CDC42BPA: variants seen among roughly 807,000 people sequenced by gnomAD.
CDC42BPA encodes CDC42 binding protein kinase alpha, also known as serine/threonine-protein kinase MRCK alpha.
A neutral mutation model predicts 223.5 loss-of-function variants in CDC42BPA; 80 were observed. The ratio of observed to expected loss-of-function variants is 0.36; its 90% CI spans 0.30 to 0.43. The LOEUF (loss-of-function observed/expected upper bound fraction) is 0.43, where lower values mean the gene tolerates loss of function less well. Ranked by LOEUF, CDC42BPA falls within the 20% of genes least tolerant of loss-of-function variation. The probability of loss-of-function intolerance (pLI) is 1.00; values close to 1 mark genes in which losing one functional copy is unlikely to be tolerated. For synonymous variants in CDC42BPA, 694 were observed against 718.6 expected, an observed-to-expected ratio of 0.97 and a Z score of 0.55; for missense variants, 1,743 against 2,099.9, an observed-to-expected ratio of 0.83 and a Z score of 3.32.
In CDC42BPA at chr1:227,317,533, TCTC is replaced by T. The variant is rs972995527; in HGVS notation, c.-354_-352del. 7 of 397,852 alleles carry T rather than the reference TCTC, an allele frequency of 1.8e-5. No homozygotes were observed. Among genetic ancestry groups the T allele is most frequent in the East Asian group, 3.6e-5 (1 of 28,058 alleles). 24.6% of individuals were successfully genotyped at this position (397,852 alleles called of 1,614,324 possible). On this transcript the variant is annotated 5_prime_UTR_variant, in exon 1 of 37. Coordinates refer to ENST00000366766, the MANE Select transcript of CDC42BPA (RefSeq NM_001394014.1). ...CTTTAAAAAAAAAAAAAAAAACTCTTCTCCTTCATTCAAAATTCAACTCGTGCA... is the reference window on the plus strand; with the variant it reads ...CTTTAAAAAAAAAAAAAAAAACTCTTCTTCATTCAAAATTCAACTCGTGCA...
chr1:227,265,190 C>T, intron 1 of CDC42BPA: 1 of 643,896 alleles, frequency 1.6e-6, no homozygotes, highest in Non-Finnish European at 2.9e-6. Flanking sequence ...GCACAAACAC[C>T]AAAGCGTGCT....
intron 2 of CDC42BPA, among the ~76,000 whole-genome samples, chr1:227,215,264 A>G (rs1674624613): frequency 6.6e-6 from 1 of 152,196 alleles, no homozygotes; most frequent in Non-Finnish European, 1.5e-5. Context: ...GCTAGCATTT[A>G]TTGTGGCTGT....
chr1:227,265,049 G>A (rs1359626257), intron 1 of CDC42BPA: 9 of 783,384 alleles, frequency 1.1e-5, no homozygotes, highest in Admixed American at 3.4e-5. Flanking sequence ...CTTCATGGAC[G>A]CAGCAGGAAA....
At chr1:226,995,062 G>A (rs1319710539) in intron 35 of CDC42BPA, 82 bp from the exon 36 acceptor site, 2 of 1,316,836 alleles carry the variant, frequency 1.5e-6, no homozygotes, top group Non-Finnish European at 2.1e-6. Flanking sequence ...TGAGCTGACA[G>A]GCCATCCTTT....
intron 3 of CDC42BPA, among the ~76,000 whole-genome samples, chr1:227,206,942 T>G (rs1672842520): frequency 6.6e-6 from 1 of 152,064 alleles, no homozygotes; most frequent in Admixed American, 6.6e-5. Context: ...TATTTTATTA[T>G]TATTATACTT....
At chr1:227,309,519 TGAAACCA>T (rs1693154276) in intron 1 of CDC42BPA, among the ~76,000 whole-genome samples, 1 of 152,222 alleles carries the variant, frequency 6.6e-6, no homozygotes, top group Non-Finnish European at 1.5e-5. Flanking sequence ...TCCAAAAGTC[TGAAACCA>T]ATGGCCTAGC....
chr1:227,275,641 C>T (rs1369034826), intron 1 of CDC42BPA, among the ~76,000 whole-genome samples: 1 of 151,294 alleles, frequency 6.6e-6, no homozygotes, highest in East Asian at 1.9e-4. Context: ...CATGGTCTCC[C>T]TCTGATGCCA....
At chr1:227,309,489 T>C (rs920267996) in intron 1 of CDC42BPA, among the ~76,000 whole-genome samples, 11 of 152,190 alleles carry the variant, frequency 7.2e-5, no homozygotes, top group African/African-American at 1.9e-4. Flanking sequence ...TAATAAATAG[T>C]AGTAAAGTTC....
chr1:227,307,251 G>GCTTA (rs1692717784), intron 1 of CDC42BPA, among the ~76,000 whole-genome samples: 1 of 152,092 alleles, frequency 6.6e-6, no homozygotes, highest in Non-Finnish European at 1.5e-5. Context: ...ACTTAATATT[G>GCTTA]CTTAGATGAC....
chr1:227,292,740 C>A (rs1412869680), intron 1 of CDC42BPA, among the ~76,000 whole-genome samples: 1 of 152,144 alleles, frequency 6.6e-6, no homozygotes. Flanking sequence ...GTCTTACTCA[C>A]CTACCTTCCA....
chr1:227,240,730 G>A (rs2148107125), intron 2 of CDC42BPA, among the ~76,000 whole-genome samples: 1 of 151,250 alleles, frequency 6.6e-6, no homozygotes, highest in Non-Finnish European at 1.5e-5. Flanking sequence ...TATCACATCA[G>A]ACATGAATTT....
In CDC42BPA at chr1:226,994,884, G is replaced by C; in HGVS notation, c.5072C>G (p.Ser1691Cys). ...RQPMPSPSEG[S>C]LSSGGMDQGS... ...TTGGTCCATGCCTCCAGAGGACAAAGAGCCCTCTGACGGGGAGGGCATGGG... is the reference window on the plus strand; with the variant it reads ...TTGGTCCATGCCTCCAGAGGACAAACAGCCCTCTGACGGGGAGGGCATGGG... The change falls in exon 36 of 37, where the codon TCT becomes TGT. Residue 1691 changes from serine (S) to cysteine (C), a missense_variant. By Grantham distance (112) the Ser-to-Cys change is moderately radical. Around this residue, in one of 6 missense-constraint regions of CDC42BPA, gnomAD observed 200 missense variants for 192.8 expected, o/e 1.04. Transcript: ENST00000366766. The surrounding 1 kb of genome is among the most constrained non-coding windows in gnomAD (Gnocchi z 4.0). 2.5e-6 allele frequency: 4 copies of C among 1,613,978 alleles called. No homozygotes were observed. The highest frequency in any genetic ancestry group is 1.1e-5 in the South Asian group (1 of 91,070).
rs946359642 is a variant in CDC42BPA, at chr1:226,994,099, G to A, written c.*169C>T. On this transcript the variant is annotated 3_prime_UTR_variant, in exon 37 of 37. Transcript: ENST00000366766. This position sits in a 1 kb window ranked among gnomAD's most constrained non-coding sequence, Gnocchi z 4.0. ...TCTTTGTTGTTGCTGTTAGGCTGGG[G>A]GCGTGGATCTGAGAGTCGTGTCGTC... 4.5e-5 allele frequency: 26 copies of A among 573,358 alleles called. No individual in the cohort carries two copies. Among genetic ancestry groups the A allele is most frequent in the Non-Finnish European group, 7.1e-5 (23 of 324,872 alleles). 35.5% of individuals were successfully genotyped at this position (573,358 alleles called of 1,614,324 possible). A position where few individuals can be genotyped will look rare whatever the true frequency, so the allele number is the denominator to read the frequency against.
intron 5 of CDC42BPA, among the ~76,000 whole-genome samples, chr1:227,161,746 G>T (rs1487351701): frequency 6.6e-6 from 1 of 152,148 alleles, no homozygotes; most frequent in Non-Finnish European, 1.5e-5. Flanking sequence ...ACACTACAAA[G>T]GCAAAGTGAG....
At chr1:227,050,838 C>T (rs910869128) in intron 22 of CDC42BPA, among the ~76,000 whole-genome samples, 36 of 151,996 alleles carry the variant, frequency 2.4e-4, no homozygotes, top group African/African-American at 7.7e-4. Context: ...GAGTGGGGAA[C>T]GGTATACACG....
intron 1 of CDC42BPA, among the ~76,000 whole-genome samples, chr1:227,265,487 G>C (rs555220806): frequency 6.6e-6 from 1 of 152,060 alleles, no homozygotes; most frequent in East Asian, 1.9e-4. Context: ...CAAGGCGGGC[G>C]GAATTGTGGC....
At chr1:227,185,608 T>C (rs901572327) in intron 5 of CDC42BPA, among the ~76,000 whole-genome samples, 1 of 152,188 alleles carries the variant, frequency 6.6e-6, no homozygotes, top group African/African-American at 2.4e-5. Context: ...TGGTTGATAC[T>C]ACCTGAAAGT....
intron 31 of CDC42BPA, among the ~76,000 whole-genome samples, chr1:227,025,468 A>G (rs766027460): frequency 1.3e-5 from 2 of 152,202 alleles, no homozygotes; most frequent in South Asian, 2.1e-4. Flanking sequence ...TGCTATATAT[A>G]TATCACATCT....
At chr1:227,231,406 A>C (rs529316049) in intron 2 of CDC42BPA, among the ~76,000 whole-genome samples, 1 of 152,086 alleles carries the variant, frequency 6.6e-6, no homozygotes, top group East Asian at 1.9e-4. Context: ...GGTTGGCTCC[A>C]AGTCTTTGCT....
Sources: allele counts gnomAD v4.1 joint callset (sites outside exome capture counted in the v4.1 genomes callset), GRCh38; gene constraint gnomAD v4.1.1; regional missense constraint gnomAD v4.1.1; non-coding constraint Gnocchi (gnomAD v3.1); transcripts MANE v1.5; gene names NCBI Gene and HGNC (gene_info 2026-07-23, HGNC 2026-07-21).